RAB40B: variants seen among roughly 807,000 people sequenced by gnomAD.
The protein encoded by RAB40B is ras-related protein Rab-40B.
In RAB40B, 21 loss-of-function variants were observed where a neutral mutation model predicts 24.0. The ratio of observed to expected loss-of-function variants is 0.88; its 90% CI spans 0.62 to 1.26. The LOEUF (loss-of-function observed/expected upper bound fraction) is 1.26. Ranked by LOEUF, RAB40B falls within the 50% of genes most tolerant of loss-of-function variation. RAB40B has a pLI of 0.00. For synonymous variants in RAB40B, 167 were observed against 169.8 expected (o/e 0.98, Z 0.13); for missense variants, 348 against 390.5 (o/e 0.89, Z 0.92).
At chr17:82,664,358 G>C in intron 2 of RAB40B, 138 bp downstream of exon 2, 1 of 774,240 alleles carries the variant, frequency 1.3e-6, no homozygotes, top group South Asian at 1.6e-5. Context: ...GGTGGTGGGA[G>C]GGTGTTCCCG....
chr17:82,681,369 A>C (rs984103639), intron 1 of RAB40B, among the ~76,000 whole-genome samples: 2 of 152,222 alleles, frequency 1.3e-5, no homozygotes, highest in African/African-American at 4.8e-5. Context: ...AGTTAGAAGC[A>C]GCCGTCTGGG....
At chr17:82,660,883 C>T in intron 3 of RAB40B, 104 bp downstream of exon 3, 1 of 1,415,052 alleles carries the variant, frequency 7.1e-7, no homozygotes, top group South Asian at 1.3e-5. Flanking sequence ...GTAAGCTTAA[C>T]CGCCTTGTCC....
intron 1 of RAB40B, among the ~76,000 whole-genome samples, chr17:82,673,229 C>T (rs1000598601): frequency 6.6e-6 from 1 of 152,214 alleles, no homozygotes. Context: ...CTCATGTTTA[C>T]TTGTTGTTTA....
chr17:82,684,096 C>T (rs182137434), intron 1 of RAB40B, among the ~76,000 whole-genome samples: 1 of 151,772 alleles, frequency 6.6e-6, no homozygotes, highest in Non-Finnish European at 1.5e-5. Flanking sequence ...TGGCAGGCAC[C>T]TGTAATCCCA....
At chr17:82,669,726 G>A (rs1425520774) in intron 1 of RAB40B, among the ~76,000 whole-genome samples, 3 of 152,218 alleles carry the variant, frequency 2.0e-5, no homozygotes, top group South Asian at 4.1e-4. Flanking sequence ...TAGCCCCAGC[G>A]CGGGAGCTTC....
intron 1 of RAB40B, among the ~76,000 whole-genome samples, chr17:82,666,170 G>A (rs554297612): frequency 1.3e-5 from 2 of 151,972 alleles, no homozygotes; most frequent in African/African-American, 4.8e-5. Context: ...TCAACCTCCT[G>A]GACTCAAGTG....
rs544732388 is a variant in RAB40B, at chr17:82,697,151, C to T, written c.142+1304G>A. 6.6e-6 allele frequency among the ~76,000 whole-genome samples: 1 copy of T among 152,246 alleles called. No homozygotes were observed. Among genetic ancestry groups the T allele is most frequent in the African/African-American group, 2.4e-5 (1 of 41,552 alleles). ...GAGCCCAAGCCCATCTCAGCTGCTC[C>T]CCCAAACTCTGCCCATTCCTCACCC... On this transcript the variant is annotated intron_variant, in intron 1 of 5. Coordinates refer to ENST00000571995, the MANE Select transcript of RAB40B (RefSeq NM_006822.3). The surrounding 1 kb of genome is among the most constrained non-coding windows in gnomAD (Gnocchi z 4.9).
At chr17:82,660,542 C>A (rs1410110930) in intron 3 of RAB40B, among the ~76,000 whole-genome samples, 1 of 150,574 alleles carries the variant, frequency 6.6e-6, no homozygotes, top group African/African-American at 2.4e-5. Context: ...GTGCACATAC[C>A]TACACACACG....
intron 1 of RAB40B, among the ~76,000 whole-genome samples, chr17:82,669,913 A>G (rs935537438): frequency 6.6e-6 from 1 of 152,240 alleles, no homozygotes; most frequent in Non-Finnish European, 1.5e-5. Flanking sequence ...TATTTGCTCC[A>G]TAATAGCAAT....
At chr17:82,693,007 T>C (rs2046573686) in intron 1 of RAB40B, among the ~76,000 whole-genome samples, 1 of 151,894 alleles carries the variant, frequency 6.6e-6, no homozygotes, top group Non-Finnish European at 1.5e-5. Context: ...TTCTATTTTT[T>C]TTCTTTTTTT....
chr17:82,659,349 G>C (rs571553955), intron 4 of RAB40B: 114 of 541,322 alleles, frequency 2.1e-4, no homozygotes, highest in African/African-American at 2.1e-3. Flanking sequence ...CGCCGTGGAC[G>C]CTCGTTTCGT....
rs534666783 is a variant in RAB40B at position 82,690,311 on chromosome 17, C to T, written c.142+8144G>A. 3.1e-3 allele frequency among the ~76,000 whole-genome samples: 389 copies of T among 127,264 alleles called. 1 individual carries two copies. Among genetic ancestry groups the T allele is most frequent in the African/African-American group, 0.011 (352 of 33,434 alleles). The allele number at this position is 127,264 out of a possible 152,430, so 83.5% of individuals were successfully genotyped here. On this transcript the variant is annotated intron_variant, in intron 1 of 5. Coordinates refer to ENST00000571995, the MANE Select transcript of RAB40B (RefSeq NM_006822.3). ...GAAGATCTGCAGAATTGGAGGGAGA[C>T]GGAGTGTGCATGTGTGTTCCTGGGA... is the stretch of plus-strand genomic sequence containing the variant.
At chr17:82,688,580 C>T (rs1415202196) in intron 1 of RAB40B, among the ~76,000 whole-genome samples, 3 of 151,986 alleles carry the variant, frequency 2.0e-5, no homozygotes, top group Non-Finnish European at 2.9e-5. Flanking sequence ...CACGCCACAG[C>T]ACTCCAGCTG....
intron 2 of RAB40B, chr17:82,662,696 G>A (rs1263985432): frequency 1.5e-5 from 15 of 985,314 alleles, no homozygotes; most frequent in Middle Eastern, 5.2e-4. Context: ...GTCCTGCTGG[G>A]GCCTGGGGGG....
Position 82,657,880 on chromosome 17 carries a change from TGTTTCTGGTGCA to T in RAB40B, c.808_819del (p.Cys270_Asn273del). On this transcript the variant is annotated inframe_deletion, in exon 6 of 6. Coordinates refer to ENST00000571995, the MANE Select transcript of RAB40B (RefSeq NM_006822.3). ...TGCCTTCCTTAAGAAATTTTGCAGC[TGTTTCTGGTGCA>T]GTTTTTGGGGGGGCTCTGGGGGGGG... 2 of 1,555,336 alleles carry T rather than the reference TGTTTCTGGTGCA, an allele frequency of 1.3e-6. No individual in the cohort carries two copies. The highest frequency in any genetic ancestry group is 1.7e-6 in the Non-Finnish European group (2 of 1,145,740).
intron 1 of RAB40B, among the ~76,000 whole-genome samples, chr17:82,683,334 A>G (rs1191261669): frequency 6.6e-6 from 1 of 152,224 alleles, no homozygotes. Context: ...CTTCAAAAGT[A>G]AAAACTCTTA....
At chr17:82,665,454 A>G (rs1227828503) in intron 1 of RAB40B, among the ~76,000 whole-genome samples, 1 of 152,082 alleles carries the variant, frequency 6.6e-6, no homozygotes, top group African/African-American at 2.4e-5. Flanking sequence ...GGGTTTCGCT[A>G]TGTTTCCCAG....
chr17:82,698,633 C>A lies in RAB40B; in HGVS notation c.-37G>T. 3.0e-6 allele frequency: 4 copies of A among 1,340,176 alleles called. No individual in the cohort carries two copies. In the South Asian group the frequency reaches 7.1e-5, roughly 24 times the overall value. 83.0% of individuals were successfully genotyped at this position (1,340,176 alleles called of 1,614,324 possible). A position where few individuals can be genotyped will look rare whatever the true frequency, so the allele number is the denominator to read the frequency against. The stretch of plus-strand genomic sequence containing the variant: ...GGCGCCCCCACCCATGCCCGGCCTG[C>A]GGGGCTGAGCGCAGAGGCGGCGGCC... On this transcript the variant is annotated 5_prime_UTR_variant, in exon 1 of 6. Transcript: ENST00000571995.
At chr17:82,659,771 C>T in intron 3 of RAB40B, 114 bp from the exon 4 acceptor site, 4 of 795,856 alleles carry the variant, frequency 5.0e-6, no homozygotes, top group South Asian at 1.6e-5. Context: ...ACACAAAGTA[C>T]ATAATTTTGA....
Sources: gnomAD v4.1 joint callset for allele counts (sites outside exome capture counted in the v4.1 genomes callset) on GRCh38, gnomAD v4.1.1 for gene constraint, Gnocchi (gnomAD v3.1) non-coding constraint, MANE v1.5 for transcripts, NCBI Gene and HGNC (gene_info 2026-07-23, HGNC 2026-07-21) for gene names.